Variants in NXPH4 observed in about 807,000 individuals in gnomAD.
The protein encoded by NXPH4 is neurexophilin 4, also known as neurexophilin-4.
In NXPH4, 8 loss-of-function variants were observed where a neutral mutation model predicts 21.3. That is an observed-to-expected ratio of 0.38 (90% CI 0.22 to 0.68). The LOEUF is 0.68. Ranked by LOEUF, NXPH4 falls within the 30% of genes least tolerant of loss-of-function variation. NXPH4 has a pLI of 0.53. For synonymous variants in NXPH4, 219 were observed against 192.6 expected (o/e 1.14, Z -1.13); for missense variants, 418 against 416.8 (o/e 1.00, Z -0.03).
At position 57,225,303 on chromosome 12, in the gene NXPH4, C is replaced by G; in HGVS notation, c.483C>G (p.Val161=). ...GCATCGTGCCGCCCTCCAAGCGTGT[C>G]GAGTTCGGAGGAGTCTGGCTGCCCG... The part of the protein sequence containing the change: ...SVSIVPPSKR[V]EFGGVWLPGP... Residue 161 remains valine, a synonymous_variant, in exon 2 of 2, where the codon GTC becomes GTG. Transcript: ENST00000349394. 1 of 1,554,984 alleles carries G rather than the reference C, an allele frequency of 6.4e-7. No homozygotes were observed. The highest frequency in any genetic ancestry group is 2.3e-5 in the East Asian group (1 of 44,412).
At chr12:57,221,302 C>T (rs2037089490) in intron 1 of NXPH4, 1 of 455,262 alleles carries the variant, frequency 2.2e-6, no homozygotes, top group African/African-American at 2.0e-5. Context: ...TCTCCCCTTC[C>T]CCAGCCCAGG....
chr12:57,223,969 G>C (rs916123070), intron 1 of NXPH4, among the ~76,000 whole-genome samples: 1 of 152,210 alleles, frequency 6.6e-6, no homozygotes, highest in Non-Finnish European at 1.5e-5. Flanking sequence ...GAGCACTGGC[G>C]ACTGGGAGGG....
chr12:57,225,641 T>G lies in NXPH4; in HGVS notation c.821T>G (p.Phe274Cys). 1 of 1,613,748 alleles carries G rather than the reference T, an allele frequency of 6.2e-7. No homozygotes were observed. The change falls in exon 2 of 2, where the codon TTC (phenylalanine) becomes TGC (cysteine). Residue 274 changes from phenylalanine (F) to cysteine (C), a missense_variant. Transcript: ENST00000349394. ...GCCGCCTGGCTCTGTGCCAAGCCCT[T>G]CAAAGTCATCTGTATCTTCGTCTCT... ...SQAAWLCAKP[F>C]KVICIFVSFL...
At position 57,225,195 on chromosome 12, in the gene NXPH4, C is replaced by T. The variant is rs1203662146; in HGVS notation, c.375C>T (p.Thr125=). 2 of 1,590,142 alleles carry T rather than the reference C, an allele frequency of 1.3e-6. No individual in the cohort carries two copies. Among genetic ancestry groups the T allele is most frequent in the Non-Finnish European group, 1.7e-6 (2 of 1,168,282 alleles). Residue 125 remains threonine (T), a synonymous_variant, in exon 2 of 2, where the codon ACC becomes ACT. Transcript: ENST00000349394. ...CCCTCAAGTTTTCGCTGCTGGTGAC[C>T]GGCAAGATCGTGGACCATGTGAACG... is the stretch of plus-strand genomic sequence containing the variant. ...VHTLKFSLLV[T]GKIVDHVNGT...
At position 57,225,776 on chromosome 12, in the gene NXPH4, C is replaced by A; in HGVS notation, c.*29C>A. The A allele has an allele frequency of 6.3e-7, 1 of 1,589,500 alleles. No individual in the cohort carries two copies. Among genetic ancestry groups the A allele is most frequent in the Non-Finnish European group, 8.6e-7 (1 of 1,164,540 alleles). Reference sequence around the variant, plus strand: ...CCCTCCCCAGCCAGTCCTGAGCCTCCCGCCAAATCCCAGCCTCACTAGGTG... The same window carrying A: ...CCCTCCCCAGCCAGTCCTGAGCCTCACGCCAAATCCCAGCCTCACTAGGTG... On this transcript the variant is annotated 3_prime_UTR_variant, in exon 2 of 2. Transcript: ENST00000349394.
At chr12:57,223,660 C>T (rs1265308220) in intron 1 of NXPH4, among the ~76,000 whole-genome samples, 1 of 152,260 alleles carries the variant, frequency 6.6e-6, no homozygotes, top group East Asian at 1.9e-4. Flanking sequence ...GACTGACACA[C>T]TCTGACATGC....
In NXPH4 at chr12:57,224,886, T is replaced by C; in HGVS notation, c.66T>C (p.Ser22=). The C allele has an allele frequency of 2.1e-6, 2 of 951,802 alleles. No homozygotes were observed. Among genetic ancestry groups the C allele is most frequent in the Non-Finnish European group, 3.0e-6 (2 of 675,246 alleles). The allele number at this position is 951,802 out of a possible 1,614,324, so 59.0% of individuals were successfully genotyped here. A position where few individuals can be genotyped will look rare whatever the true frequency, so the allele number is the denominator to read the frequency against. The change falls in exon 2 of 2, where the codon AGT becomes AGC. Residue 22 remains serine (S), a synonymous_variant. Transcript: ENST00000349394. Reference sequence around the variant, plus strand: ...TCTTTCTTCGTGCACAGGCCGTCAGTGCCCAGATACCAGAGTCCGGAAGGC... The same window carrying C: ...TCTTTCTTCGTGCACAGGCCGTCAGCGCCCAGATACCAGAGTCCGGAAGGC... ...FGPWLLRKAV[S]AQIPESGRPQ... is the part of the protein sequence containing the mutation.
chr12:57,218,002 G>A (rs138845973), intron 1 of NXPH4, among the ~76,000 whole-genome samples: 7 of 152,242 alleles, frequency 4.6e-5, no homozygotes, highest in African/African-American at 1.2e-4. Flanking sequence ...GTGTGTGCCC[G>A]CAATGGGGGC....
In NXPH4 at chr12:57,216,983, C is replaced by G. The variant is rs763519085; in HGVS notation, c.14C>G (p.Pro5Arg). The change falls in exon 1 of 2, where the codon CCG becomes CGG. Residue 5 changes from proline to arginine, a missense_variant. Transcript: ENST00000349394. This position sits in a 1 kb window ranked among gnomAD's most constrained non-coding sequence, Gnocchi z 5.3. Reference sequence around the variant, plus strand: ...CCGCCAGAGAAGATGCGGCTGCTCCCGGAATGGTTCCTCTTGCTCTTTGGC... The same window carrying G: ...CCGCCAGAGAAGATGCGGCTGCTCCGGGAATGGTTCCTCTTGCTCTTTGGC... Reference protein sequence around the residue: MRLLPEWFLLLFGPW... With the variant: MRLLREWFLLLFGPW... 1.2e-6 allele frequency: 2 copies of G among 1,604,304 alleles called. No homozygotes were observed. The highest frequency in any genetic ancestry group is 1.7e-6 in the Non-Finnish European group (2 of 1,176,194).
At chr12:57,222,183 C>A (rs185816260) in intron 1 of NXPH4, among the ~76,000 whole-genome samples, 5 of 152,314 alleles carry the variant, frequency 3.3e-5, no homozygotes, top group South Asian at 4.1e-4. Context: ...CCGTGCCCCC[C>A]CAACTCTTCC....
chr12:57,216,880 C>T lies in NXPH4; in HGVS notation c.-90C>T, dbSNP rs2037043682. On this transcript the variant is annotated 5_prime_UTR_variant, in exon 1 of 2. Transcript: ENST00000349394. The surrounding 1 kb of genome is among the most constrained non-coding windows in gnomAD (Gnocchi z 5.3). Reference sequence around the variant, plus strand: ...CCGCTCCCGCCGCTCCCGCAGCCGCCCCGCCGCCCGCCCGGAGCCCCGCGT... The same window carrying T: ...CCGCTCCCGCCGCTCCCGCAGCCGCTCCGCCGCCCGCCCGGAGCCCCGCGT... 1.1e-6 allele frequency: 1 copy of T among 873,452 alleles called. No individual in the cohort carries two copies. Among genetic ancestry groups the T allele is most frequent in the African/African-American group, 1.8e-5 (1 of 54,618 alleles). The allele number at this position is 873,452 out of a possible 1,614,324, so 54.1% of individuals were successfully genotyped here.
At position 57,222,157 on chromosome 12, in the gene NXPH4, T is replaced by C. The variant is rs367893309; in HGVS notation, c.58-2721T>C. Among the ~76,000 whole-genome samples the C allele has an allele frequency of 4.0e-4, 61 of 152,176 alleles. 1 individual carries two copies. The East Asian group carries it at 8.7e-3, about 22-fold the overall frequency. ...TCACCCCTCCCTGTCTGAACTCCCC[T>C]ACAAGGTCGCTTCAGCCGTGCCCCC... is the stretch of plus-strand genomic sequence containing the variant. On this transcript the variant is annotated intron_variant, in intron 1 of 1. Transcript: ENST00000349394.
At position 57,224,963 on chromosome 12, in the gene NXPH4, A is replaced by G; in HGVS notation, c.143A>G (p.Gln48Arg). 2.8e-6 allele frequency: 4 copies of G among 1,417,688 alleles called. No individual in the cohort carries two copies. Among genetic ancestry groups the G allele is most frequent in the African/African-American group, 1.5e-5 (1 of 66,744 alleles). 87.8% of individuals were successfully genotyped at this position (1,417,688 alleles called of 1,614,324 possible). Residue 48 changes from glutamine (Q) to arginine (R), a missense_variant, in exon 2 of 2, where the codon CAG (glutamine) becomes CGG (arginine). Gln to Arg is a conservative substitution (Grantham distance 43). Coordinates refer to ENST00000349394, the MANE Select transcript of NXPH4 (RefSeq NM_007224.4). ...PAAAGAGAPG[Q>R]QLPEPRSSDG... ...GCGGCCGGAGCGGGTGCCCCCGGCC[A>G]GCAGCTCCCAGAGCCAAGGTCTTCG... is the stretch of plus-strand genomic sequence containing the variant.
At position 57,225,627 on chromosome 12, in the gene NXPH4, C is replaced by G. The variant is rs770327501; in HGVS notation, c.807C>G (p.Leu269=). ...ACACGCAGAGCCAGGCCGCCTGGCT[C>G]TGTGCCAAGCCCTTCAAAGTCATCT... is the stretch of plus-strand genomic sequence containing the variant. ...TEHTQSQAAW[L]CAKPFKVICI... The change falls in exon 2 of 2, where the codon CTC becomes CTG. Residue 269 remains leucine, a synonymous_variant. Coordinates refer to ENST00000349394, the MANE Select transcript of NXPH4 (RefSeq NM_007224.4). 6.2e-7 allele frequency: 1 copy of G among 1,613,754 alleles called. No individual in the cohort carries two copies. The highest frequency in any genetic ancestry group is 8.5e-7 in the Non-Finnish European group (1 of 1,180,014).
rs750041687 is a variant in NXPH4 at position 57,225,365 on chromosome 12, T to C, written c.545T>C (p.Leu182Pro). The change falls in exon 2 of 2, where the codon CTG (leucine) becomes CCG (proline). Residue 182 changes from leucine to proline, a missense_variant. Physicochemically the swap from Leu to Pro is moderately conservative, Grantham distance 98. Transcript: ENST00000349394. ...CACCCTCTGCAGTCTACGCTCGCCC[T>C]GGAGGGGGTGCTTCCTGGGCTGGGG... The part of the protein sequence containing the change: ...VPHPLQSTLA[L>P]EGVLPGLGPP... 5.7e-6 allele frequency: 9 copies of C among 1,588,100 alleles called. No homozygotes were observed. Among genetic ancestry groups the C allele is most frequent in the Middle Eastern group, 3.4e-4 (2 of 5,958 alleles).
rs2037149384 is a variant in NXPH4 at position 57,226,337 on chromosome 12, C to T, written c.*590C>T. The T allele has an allele frequency of 4.5e-6, 1 of 223,586 alleles. No homozygotes were observed. Among genetic ancestry groups the T allele is most frequent in the Non-Finnish European group, 8.7e-6 (1 of 114,914 alleles). 13.9% of individuals were successfully genotyped at this position (223,586 alleles called of 1,614,324 possible). A position where few individuals can be genotyped will look rare whatever the true frequency, so the allele number is the denominator to read the frequency against. On this transcript the variant is annotated 3_prime_UTR_variant, in exon 2 of 2. Coordinates refer to ENST00000349394, the MANE Select transcript of NXPH4 (RefSeq NM_007224.4). ...GGCCCCTGCCCCTGCCCGCCCCCCT[C>T]CAGTCCAGGCAGTCGAGCTCCACCT... is the stretch of plus-strand genomic sequence containing the variant.
At chr12:57,220,553 GGGGGC>G (rs2037081880) in intron 1 of NXPH4, among the ~76,000 whole-genome samples, 1 of 152,226 alleles carries the variant, frequency 6.6e-6, no homozygotes, top group Non-Finnish European at 1.5e-5. Flanking sequence ...GGTAGAGGGA[GGGGGC>G]GTCCAGCCCA....
Position 57,216,960 on chromosome 12 carries a change from G to T in NXPH4, c.-10G>T, listed in dbSNP as rs748570203. The T allele has an allele frequency of 3.1e-6, 5 of 1,589,832 alleles. No homozygotes were observed. Among genetic ancestry groups the T allele is most frequent in the Non-Finnish European group, 4.3e-6 (5 of 1,168,700 alleles). On this transcript the variant is annotated 5_prime_UTR_variant, in exon 1 of 2. Coordinates refer to ENST00000349394, the MANE Select transcript of NXPH4 (RefSeq NM_007224.4). This position sits in a 1 kb window ranked among gnomAD's most constrained non-coding sequence, Gnocchi z 5.3. ...CCCGCCCAGCCTGCCCCGCTCAGCC[G>T]CCAGAGAAGATGCGGCTGCTCCCGG... is the stretch of plus-strand genomic sequence containing the variant.
chr12:57,217,560 A>G (rs914304865), intron 1 of NXPH4, among the ~76,000 whole-genome samples: 4 of 152,020 alleles, frequency 2.6e-5, no homozygotes, highest in Non-Finnish European at 4.4e-5. Flanking sequence ...CCAGCCTCCC[A>G]TCACATTTCC....
Sources: allele counts gnomAD v4.1 joint callset (sites outside exome capture counted in the v4.1 genomes callset), GRCh38; gene constraint gnomAD v4.1.1; non-coding constraint Gnocchi (gnomAD v3.1); transcripts MANE v1.5; gene names NCBI Gene and HGNC (gene_info 2026-07-23, HGNC 2026-07-21).